Variants in WDR19 observed in about 807,000 individuals in gnomAD.
WDR19 encodes WD repeat-containing protein 19.
A neutral mutation model predicts 180.0 loss-of-function variants in WDR19; 121 were observed. The observed-to-expected ratio is 0.67, with a 90% CI of 0.58 to 0.78. The LOEUF is 0.78. WDR19 is among the 30% of genes least tolerant of loss of function. WDR19 has a pLI of 0.00. For missense variants in WDR19, 1,450 were observed against 1,640.7 expected (o/e 0.88, Z 2.01); for synonymous variants, 497 against 540.7 (o/e 0.92, Z 1.12).
chr4:39,184,143 A>C (rs1365890929), intron 1 of WDR19, among the ~76,000 whole-genome samples: 1 of 152,172 alleles, frequency 6.6e-6, no homozygotes, highest in Admixed American at 6.5e-5. Flanking sequence ...GCGGTGGCTC[A>C]CGCCTGTAAT....
chr4:39,283,554 C>G (rs1484632118), intron 36 of WDR19, among the ~76,000 whole-genome samples: 1 of 151,490 alleles, frequency 6.6e-6, no homozygotes, highest in African/African-American at 2.4e-5. Flanking sequence ...GACTTTTTAC[C>G]TATGTTTTTA....
At chr4:39,254,496 T>C (rs1386928439) in intron 26 of WDR19, among the ~76,000 whole-genome samples, 1 of 152,240 alleles carries the variant, frequency 6.6e-6, no homozygotes, top group African/African-American at 2.4e-5. Flanking sequence ...GATAATTTGA[T>C]ATTCTGAGAA....
chr4:39,215,301 G>GTTTC (rs148361073), intron 10 of WDR19, among the ~76,000 whole-genome samples: 2 of 140,624 alleles, frequency 1.4e-5, no homozygotes, highest in African/African-American at 6.2e-5. Context: ...CCTTTTCTTT[G>GTTTC]TTTCTTTCTT....
At chr4:39,280,158 C>CG (rs1736359398) in intron 36 of WDR19, among the ~76,000 whole-genome samples, 1 of 115,612 alleles carries the variant, frequency 8.6e-6, no homozygotes, top group African/African-American at 3.0e-5. Flanking sequence ...GGCAGGGTCT[C>CG]GCCACATTGC....
chr4:39,273,712 C>T (rs999544684), intron 32 of WDR19: 3 of 152,218 alleles, frequency 2.0e-5, no homozygotes, highest in African/African-American at 7.2e-5. Context: ...CTCAGGCCTG[C>T]ACACACAAGT....
rs368181296 is a variant in WDR19, at chr4:39,260,767, C to T, written c.3183+3213C>T. Among the ~76,000 whole-genome samples the T allele has an allele frequency of 1.7e-4, 26 of 152,292 alleles. No homozygotes were observed. In the South Asian group the frequency reaches 5.2e-3, roughly 30 times the overall value. On this transcript the variant is annotated intron_variant, in intron 28 of 36. Coordinates refer to ENST00000399820, the MANE Select transcript of WDR19 (RefSeq NM_025132.4). ...TTTGGTTCCTGATGAGGGCTCTCTT[C>T]CTGACTTGCAGACAGCAGCCTTCTC...
intron 6 of WDR19, 27 bp from the exon 7 acceptor site, chr4:39,203,615 A>C (rs747023958): frequency 6.3e-7 from 1 of 1,575,306 alleles, no homozygotes; most frequent in East Asian, 2.2e-5. Context: ...GGGTTTGTTC[A>C]TAGTGATGAT....
At chr4:39,241,262 T>C (rs1055032473) in intron 21 of WDR19, among the ~76,000 whole-genome samples, 1 of 152,018 alleles carries the variant, frequency 6.6e-6, no homozygotes, top group Non-Finnish European at 1.5e-5. Context: ...TGAAAAATCA[T>C]CAAAATATGT....
intron 13 of WDR19, 39 bp downstream of exon 13, chr4:39,217,279 A>G (rs1261049801): frequency 7.0e-7 from 1 of 1,428,226 alleles, no homozygotes; most frequent in Admixed American, 2.0e-5. Flanking sequence ...GCGCTAAGTT[A>G]TAATGAACAG....
chr4:39,232,626 T>C (rs1192124963), intron 19 of WDR19, among the ~76,000 whole-genome samples: 1 of 150,972 alleles, frequency 6.6e-6, no homozygotes, highest in Non-Finnish European at 1.5e-5. Context: ...TGCTTGAACC[T>C]AGGAGGCAGA....
intron 9 of WDR19, among the ~76,000 whole-genome samples, chr4:39,211,761 A>C (rs764480624): frequency 5.9e-5 from 9 of 152,224 alleles, no homozygotes; most frequent in Admixed American, 2.0e-4. Context: ...GAAAGAGATC[A>C]AATTAGACCC....
In WDR19 at chr4:39,189,766, T is replaced by G. The variant is rs926405916; in HGVS notation, c.275T>G (p.Leu92Ter). ...GCCAACACAAATAAGACCAGCCAGT[T>G]AGACAATGGCATGAGGTAAGATAAC... ...WDANTNKTSQ[L>*]DNGMRDQMSF... is the part of the protein sequence containing the mutation. Residue 92 changes from leucine (L) to a stop codon, truncating the protein, a stop_gained, in exon 4 of 37, where the codon TTA becomes TGA. Coordinates refer to ENST00000399820, the MANE Select transcript of WDR19 (RefSeq NM_025132.4). LOFTEE classifies it high-confidence loss of function. The G allele has an allele frequency of 3.0e-5, 48 of 1,604,148 alleles. No homozygotes were observed. Among genetic ancestry groups the G allele is most frequent in the Non-Finnish European group, 3.9e-5 (46 of 1,177,248 alleles).
At chr4:39,257,691 G>C (rs2109453121) in intron 28 of WDR19, 137 bp downstream of exon 28, 1 of 735,278 alleles carries the variant, frequency 1.4e-6, no homozygotes, top group East Asian at 2.8e-5. Context: ...TTCAACAGCT[G>C]TCAATACATA....
chr4:39,199,265 C>T (rs981020146), intron 5 of WDR19, among the ~76,000 whole-genome samples: 10 of 152,172 alleles, frequency 6.6e-5, no homozygotes, highest in Admixed American at 6.5e-4. Flanking sequence ...GGGCTTATAT[C>T]CAGATAAAAA....
At chr4:39,185,020 C>A (rs1371295504) in intron 1 of WDR19, among the ~76,000 whole-genome samples, 1 of 152,086 alleles carries the variant, frequency 6.6e-6, no homozygotes, top group Admixed American at 6.5e-5. Context: ...TAAAAATTAA[C>A]AACGAGATAG....
At chr4:39,276,900 A>G (rs1735954977) in intron 33 of WDR19, 120 bp from the exon 34 acceptor site, 1 of 1,267,392 alleles carries the variant, frequency 7.9e-7, no homozygotes, top group Non-Finnish European at 1.1e-6. Context: ...CTCTAAGCCC[A>G]GAGTCTGACT....
At chr4:39,183,332 C>T (rs1157366492) in intron 1 of WDR19, among the ~76,000 whole-genome samples, 1 of 145,022 alleles carries the variant, frequency 6.9e-6, no homozygotes, top group Non-Finnish European at 1.5e-5. Context: ...TCCCTGCAAC[C>T]TCCACCTCCT....
chr4:39,237,502 G>C (rs545523572), intron 20 of WDR19, among the ~76,000 whole-genome samples: 149 of 152,208 alleles, frequency 9.8e-4, no homozygotes, highest in African/African-American at 3.4e-3. Flanking sequence ...GAAGGTTGAG[G>C]CTGCTGTGAG....
intron 13 of WDR19, 131 bp downstream of exon 13, chr4:39,217,371 T>C: frequency 1.4e-6 from 1 of 699,924 alleles, no homozygotes; most frequent in Non-Finnish European, 2.4e-6. Context: ...AGTAAAGGAT[T>C]AACAAAACCC....
Sources: gnomAD v4.1 joint callset for allele counts (sites outside exome capture counted in the v4.1 genomes callset) on GRCh38, gnomAD v4.1.1 for gene constraint, MANE v1.5 for transcripts, NCBI Gene and HGNC (gene_info 2026-07-23, HGNC 2026-07-21) for gene names.